The following SLC35D4 variants were observed in gnomAD, a reference collection of about 807,000 sequenced individuals.
SLC35D4 encodes UDP-N-acetylglucosamine transporter SLC35D4.
chr18:23,404,309 G>A, the SLC35D4 span, among the ~76,000 whole-genome samples: 1 of 152,202 alleles, frequency 6.6e-6, no homozygotes, highest in African/African-American at 2.4e-5. Context: ...GATGGTACTA[G>A]GAGTTGGTGT....
the SLC35D4 span, among the ~76,000 whole-genome samples, chr18:23,410,143 C>T: frequency 2.0e-5 from 3 of 152,028 alleles, no homozygotes; most frequent in Admixed American, 6.6e-5. Context: ...GGTGTTTTTG[C>T]GATATGTAGG....
chr18:23,386,795 T>C, the SLC35D4 span, among the ~76,000 whole-genome samples: 5 of 151,822 alleles, frequency 3.3e-5, no homozygotes, highest in East Asian at 7.7e-4. Context: ...TGGTACCTAC[T>C]GCACATTTCC....
At chr18:23,313,168 C>A in the SLC35D4 span, among the ~76,000 whole-genome samples, 2 of 126,204 alleles carry the variant, frequency 1.6e-5, no homozygotes, top group Non-Finnish European at 1.8e-5. Flanking sequence ...GAACCTGAGC[C>A]TCTGATCCTC....
At chr18:23,365,154 C>A in the SLC35D4 span, among the ~76,000 whole-genome samples, 1 of 152,090 alleles carries the variant, frequency 6.6e-6, no homozygotes, top group Non-Finnish European at 1.5e-5. Flanking sequence ...ATTTGGGGTA[C>A]CATAGCAGGC....
chr18:23,299,792 C>T, the SLC35D4 span, among the ~76,000 whole-genome samples: 4 of 152,166 alleles, frequency 2.6e-5, no homozygotes, highest in South Asian at 6.2e-4. Flanking sequence ...GGATGTCCCC[C>T]ACTTGGTTCA....
the SLC35D4 span, among the ~76,000 whole-genome samples, chr18:23,336,934 CA>C: frequency 6.6e-6 from 1 of 152,024 alleles, no homozygotes; most frequent in South Asian, 2.1e-4. Context: ...CTCTGTTCAG[CA>C]TAGACTTGAC....
the SLC35D4 span, chr18:23,260,367 G>A: frequency 3.3e-5 from 5 of 152,204 alleles, no homozygotes; most frequent in Admixed American, 6.5e-5. Context: ...TCTGTACCAC[G>A]TGCCCTACCT....
the SLC35D4 span, among the ~76,000 whole-genome samples, chr18:23,248,003 G>A: frequency 6.6e-6 from 1 of 152,240 alleles, no homozygotes; most frequent in African/African-American, 2.4e-5. Context: ...AGGAAACGGA[G>A]TCCCCAGCTG....
the SLC35D4 span, chr18:23,253,814 A>G: frequency 1.2e-5 from 20 of 1,614,198 alleles, no homozygotes; most frequent in Non-Finnish European, 1.6e-5. Context: ...CTACTTTGAA[A>G]AGCTCGCCCT....
chr18:23,303,503 T>A, the SLC35D4 span, among the ~76,000 whole-genome samples: 1 of 152,252 alleles, frequency 6.6e-6, no homozygotes, highest in South Asian at 2.1e-4. Context: ...GTCTTACTCT[T>A]AGCTCTCACG....
At chr18:23,427,654 C>T in the SLC35D4 span, among the ~76,000 whole-genome samples, 1,033 of 152,302 alleles carry the variant, frequency 6.8e-3, 9 homozygotes, top group African/African-American at 0.024. Flanking sequence ...TTTGACCCAG[C>T]AATCCCATTA....
chr18:23,364,131 C>G, the SLC35D4 span, among the ~76,000 whole-genome samples: 2 of 152,174 alleles, frequency 1.3e-5, no homozygotes, highest in Non-Finnish European at 2.9e-5. Context: ...CTGAAAGAAG[C>G]AGCTGAAAAC....
chr18:23,273,959 G>T, the SLC35D4 span, among the ~76,000 whole-genome samples: 1 of 151,916 alleles, frequency 6.6e-6, no homozygotes, highest in Non-Finnish European at 1.5e-5. Context: ...TTGCGACGAG[G>T]TCTCACTCTG....
chr18:23,297,064 C>G, the SLC35D4 span: 2 of 152,184 alleles, frequency 1.3e-5, no homozygotes, highest in Non-Finnish European at 2.9e-5. Flanking sequence ...CCAGAGGAGA[C>G]TCCAAGGATG....
At chr18:23,413,381 C>G in the SLC35D4 span, among the ~76,000 whole-genome samples, 1 of 152,224 alleles carries the variant, frequency 6.6e-6, no homozygotes, top group African/African-American at 2.4e-5. Context: ...AGAAACCAGT[C>G]TACAGCTCCC....
At chr18:23,338,189 C>T in the SLC35D4 span, among the ~76,000 whole-genome samples, 4 of 152,206 alleles carry the variant, frequency 2.6e-5, no homozygotes, top group Non-Finnish European at 5.9e-5. Context: ...GGTTTAAAAA[C>T]ATTGTGAATG....
At chr18:23,354,762 C>G in the SLC35D4 span, among the ~76,000 whole-genome samples, 3 of 152,228 alleles carry the variant, frequency 2.0e-5, no homozygotes, top group Non-Finnish European at 2.9e-5. Flanking sequence ...AGTGCAGACT[C>G]TGGGCCAGGA....
the SLC35D4 span, among the ~76,000 whole-genome samples, chr18:23,379,178 C>T: frequency 3.3e-5 from 5 of 149,286 alleles, no homozygotes; most frequent in East Asian, 3.9e-4. Context: ...GGATGGAGTG[C>T]GGTGGCGTGA....
At chr18:23,365,706 C>G in the SLC35D4 span, 3 of 1,606,564 alleles carry the variant, frequency 1.9e-6, no homozygotes, top group Non-Finnish European at 2.5e-6. Context: ...GAAGTTTCCC[C>G]GGCACCAAAA....
Sources: gnomAD v4.1 joint callset for allele counts (sites outside exome capture counted in the v4.1 genomes callset) on GRCh38, gnomAD v4.1.1 for gene constraint, MANE v1.5 for transcripts, NCBI Gene and HGNC (gene_info 2026-07-23, HGNC 2026-07-21) for gene names.